HS6ST3: variants seen among roughly 807,000 people sequenced by gnomAD.
The protein encoded by HS6ST3 is heparan-sulfate 6-O-sulfotransferase 3.
A neutral mutation model predicts 36.7 loss-of-function variants in HS6ST3; 12 were observed. That is an observed-to-expected ratio of 0.33 (90% CI 0.21 to 0.53). The LOEUF (loss-of-function observed/expected upper bound fraction) is 0.53. Among genes scored for constraint, HS6ST3 ranks in the 20% least tolerant of loss-of-function variants. The pLI, the probability that HS6ST3 is intolerant of heterozygous loss-of-function variation, is 0.95. For synonymous variants in HS6ST3, 240 were observed against 257.5 expected (o/e 0.93, Z 0.65); for missense variants, 584 against 640.9 (o/e 0.91, Z 0.96).
At chr13:96,287,260 A>G (rs947464481) in intron 1 of HS6ST3, among the ~76,000 whole-genome samples, 3 of 152,198 alleles carry the variant, frequency 2.0e-5, no homozygotes, top group Non-Finnish European at 4.4e-5. Flanking sequence ...GTATACTTTC[A>G]AATGCTTAAT....
At chr13:96,686,158 A>G (rs1193104522) in intron 1 of HS6ST3, among the ~76,000 whole-genome samples, 1 of 151,928 alleles carries the variant, frequency 6.6e-6, no homozygotes, top group Non-Finnish European at 1.5e-5. Context: ...GTCTCCTCCA[A>G]TTCAGGGTCT....
intron 1 of HS6ST3, among the ~76,000 whole-genome samples, chr13:96,242,003 T>C (rs1297484237): frequency 6.6e-6 from 1 of 151,846 alleles, no homozygotes; most frequent in African/African-American, 2.4e-5. Context: ...GCCAGGATGG[T>C]CTCGATCTCC....
Position 96,607,312 on chromosome 13 carries a change from C to G in HS6ST3, c.708-225178C>G, listed in dbSNP as rs1488740104. Among the ~76,000 whole-genome samples, 3 of 152,144 alleles carry G rather than the reference C, an allele frequency of 2.0e-5. No homozygotes were observed. The East Asian group carries it at 5.8e-4, about 29-fold the overall frequency. ...AATGAAGAAACATATGTAAGATACT[C>G]AAGGGAAAAACACACGAGACATGGA... On this transcript the variant is annotated intron_variant, in intron 1 of 1. Coordinates refer to ENST00000376705, the MANE Select transcript of HS6ST3 (RefSeq NM_153456.4).
At chr13:96,615,692 C>G (rs941559877) in intron 1 of HS6ST3, among the ~76,000 whole-genome samples, 8 of 152,194 alleles carry the variant, frequency 5.3e-5, no homozygotes, top group Non-Finnish European at 1.2e-4. Flanking sequence ...TTAGAAGAAT[C>G]TGTTAAAAGG....
chr13:96,170,945 ACG>A (rs948002217), intron 1 of HS6ST3, among the ~76,000 whole-genome samples: 9 of 151,800 alleles, frequency 5.9e-5, no homozygotes, highest in South Asian at 2.1e-4. Context: ...ACACACACAC[ACG>A]CACGTAGGCC....
chr13:96,759,368 C>T (rs147528683), intron 1 of HS6ST3, among the ~76,000 whole-genome samples: 17 of 151,848 alleles, frequency 1.1e-4, no homozygotes, highest in African/African-American at 4.1e-4. Context: ...TTTCTCCTTT[C>T]TTGCTTTCTT....
chr13:96,100,510 T>C (rs1201978391), intron 1 of HS6ST3, among the ~76,000 whole-genome samples: 1 of 152,110 alleles, frequency 6.6e-6, no homozygotes, highest in Non-Finnish European at 1.5e-5. Context: ...GAGAGAACTG[T>C]GTTATCAGTA....
chr13:96,815,915 T>A (rs938677939), intron 1 of HS6ST3, among the ~76,000 whole-genome samples: 3 of 152,198 alleles, frequency 2.0e-5, no homozygotes. Flanking sequence ...TTTCTACCTG[T>A]GGAATGCCTG....
At chr13:96,750,733 T>C (rs1289589938) in intron 1 of HS6ST3, among the ~76,000 whole-genome samples, 2 of 152,160 alleles carry the variant, frequency 1.3e-5, no homozygotes, top group East Asian at 1.9e-4. Context: ...CTTTGTCCAA[T>C]AGGTAGGAGA....
intron 1 of HS6ST3, among the ~76,000 whole-genome samples, chr13:96,347,048 C>T (rs527252618): frequency 6.6e-5 from 10 of 152,204 alleles, no homozygotes; most frequent in Non-Finnish European, 1.3e-4. Context: ...AGGCAGGGCG[C>T]GGGTCTTTCC....
chr13:96,422,130 T>C (rs893013944), intron 1 of HS6ST3, among the ~76,000 whole-genome samples: 17 of 152,214 alleles, frequency 1.1e-4, no homozygotes, highest in Non-Finnish European at 2.2e-4. Context: ...TAAGATATAC[T>C]TTTTGTCATG....
intron 1 of HS6ST3, among the ~76,000 whole-genome samples, chr13:96,398,730 G>A (rs749515844): frequency 5.3e-5 from 8 of 152,198 alleles, no homozygotes; most frequent in Admixed American, 2.0e-4. Context: ...AAGAGGCAGA[G>A]CTTGTGACTT....
intron 1 of HS6ST3, among the ~76,000 whole-genome samples, chr13:96,468,269 G>C (rs1017287309): frequency 6.6e-6 from 1 of 152,112 alleles, no homozygotes; most frequent in Non-Finnish European, 1.5e-5. Flanking sequence ...GGCATGATGT[G>C]CTGGGCATCT....
chr13:96,517,485 G>T (rs571000743), intron 1 of HS6ST3, among the ~76,000 whole-genome samples: 23 of 152,284 alleles, frequency 1.5e-4, no homozygotes, highest in African/African-American at 5.3e-4. Flanking sequence ...GGGGAACAAT[G>T]ATCCAATCTA....
chr13:96,444,687 T>C (rs1324809031), intron 1 of HS6ST3, among the ~76,000 whole-genome samples: 1 of 152,118 alleles, frequency 6.6e-6, no homozygotes, highest in Non-Finnish European at 1.5e-5. Context: ...TTTAGTAGGG[T>C]TCACCTTTTT....
chr13:96,471,431 G>A (rs2055839648), intron 1 of HS6ST3, among the ~76,000 whole-genome samples: 1 of 152,172 alleles, frequency 6.6e-6, no homozygotes, highest in Non-Finnish European at 1.5e-5. Flanking sequence ...TTCTGGGGTT[G>A]CACCTTGAGG....
intron 1 of HS6ST3, among the ~76,000 whole-genome samples, chr13:96,391,575 G>A (rs1404470776): frequency 6.6e-6 from 1 of 152,108 alleles, no homozygotes; most frequent in Non-Finnish European, 1.5e-5. Context: ...CTGAGACTGG[G>A]GGAAAAGAAA....
At chr13:96,149,660 A>T (rs887271647) in intron 1 of HS6ST3, among the ~76,000 whole-genome samples, 6 of 152,332 alleles carry the variant, frequency 3.9e-5, no homozygotes, top group South Asian at 2.1e-4. Flanking sequence ...GCATATTTTT[A>T]AAAAATTTAC....
In HS6ST3 at chr13:96,781,564, G is replaced by A. The variant is rs1256084459; in HGVS notation, c.708-50926G>A. Among the ~76,000 whole-genome samples the A allele has an allele frequency of 2.0e-5, 3 of 152,160 alleles. No individual in the cohort carries two copies. In the East Asian group the frequency reaches 5.8e-4, roughly 29 times the overall value. On this transcript the variant is annotated intron_variant, in intron 1 of 1. Transcript: ENST00000376705. Reference sequence around the variant, plus strand: ...TCTTCTTAAACAAATTGCTCTGGAAGTTTACTCTTTTGAAAAGGCATGTAC... The same window carrying A: ...TCTTCTTAAACAAATTGCTCTGGAAATTTACTCTTTTGAAAAGGCATGTAC...
Sources: allele counts gnomAD v4.1 joint callset (sites outside exome capture counted in the v4.1 genomes callset), GRCh38; gene constraint gnomAD v4.1.1; transcripts MANE v1.5; gene names NCBI Gene and HGNC (gene_info 2026-07-23, HGNC 2026-07-21).